EHHADH: variants seen among roughly 807,000 people sequenced by gnomAD.
The protein encoded by EHHADH is enoyl-CoA hydratase and 3-hydroxyacyl CoA dehydrogenase.
A neutral mutation model predicts 64.4 loss-of-function variants in EHHADH; 48 were observed. That is an observed-to-expected ratio of 0.75 (90% CI 0.59 to 0.95). The LOEUF (loss-of-function observed/expected upper bound fraction) is 0.95. Ranked by LOEUF, EHHADH falls within the 40% of genes least tolerant of loss-of-function variation. The pLI is 0.00. For synonymous variants in EHHADH, 308 were observed against 326.7 expected (o/e 0.94, Z 0.62); for missense variants, 854 against 876.6 (o/e 0.97, Z 0.33).
intron 1 of EHHADH, among the ~76,000 whole-genome samples, chr3:185,249,506 A>G (rs375284228): frequency 6.6e-6 from 1 of 152,178 alleles, no homozygotes; most frequent in Middle Eastern, 3.2e-3. Flanking sequence ...GCGGGAGTTG[A>G]TTGGATCATG....
chr3:185,193,293 C>G lies in EHHADH; in HGVS notation c.1105G>C (p.Val369Leu), dbSNP rs757709975. Residue 369 changes from valine (V) to leucine (L), a missense_variant, in exon 7 of 7, where the codon GTG (valine) becomes CTG (leucine). Coordinates refer to ENST00000231887, the MANE Select transcript of EHHADH (RefSeq NM_001966.4). Reference sequence around the variant, plus strand: ...AAATCTACACCACCAAGCTCCTTCACAGATGAAGTTAACCTGGGTTTTGGT... The same window carrying G: ...AAATCTACACCACCAAGCTCCTTCAGAGATGAAGTTAACCTGGGTTTTGGT... The part of the protein sequence containing the change: ...SGPKPRLTSS[V>L]KELGGVDLVI... The G allele has an allele frequency of 3.1e-6, 5 of 1,607,756 alleles. No homozygotes were observed. The East Asian group carries it at 8.9e-5, about 29-fold the overall frequency.
In EHHADH at chr3:185,198,664, C is replaced by T. The variant is rs140131704; in HGVS notation, c.911-5177G>A. ...AGGAGTTTGAGACCAGCCTGGCCAACATGGCAAAACCCCATCTCTACTAAA... is the reference window on the plus strand; with the variant it reads ...AGGAGTTTGAGACCAGCCTGGCCAATATGGCAAAACCCCATCTCTACTAAA... On this transcript the variant is annotated intron_variant, in intron 6 of 6. Coordinates refer to ENST00000231887, the MANE Select transcript of EHHADH (RefSeq NM_001966.4). Among the ~76,000 whole-genome samples, 594 of 152,068 alleles carry T rather than the reference C, an allele frequency of 3.9e-3. 3 individuals are homozygous for T. The highest frequency in any genetic ancestry group is 0.014 in the African/African-American group (570 of 41,520).
chr3:185,251,470 GTT>G (rs1263389972), intron 1 of EHHADH, among the ~76,000 whole-genome samples: 1 of 152,184 alleles, frequency 6.6e-6, no homozygotes, highest in Non-Finnish European at 1.5e-5. Flanking sequence ...GAAAGCCATT[GTT>G]CTGGGAGACA....
chr3:185,236,409 C>T (rs1442981719), intron 2 of EHHADH, among the ~76,000 whole-genome samples: 2 of 146,368 alleles, frequency 1.4e-5, no homozygotes, highest in Non-Finnish European at 3.1e-5. Flanking sequence ...TACCCCTGTC[C>T]ATGGAAAAAC....
At chr3:185,213,492 A>C (rs1718604595) in intron 5 of EHHADH, among the ~76,000 whole-genome samples, 1 of 152,208 alleles carries the variant, frequency 6.6e-6, no homozygotes, top group African/African-American at 2.4e-5. Context: ...ATATATATTT[A>C]ATGTAATTAA....
intron 2 of EHHADH, among the ~76,000 whole-genome samples, chr3:185,238,745 G>C (rs1369122263): frequency 2.0e-5 from 3 of 152,122 alleles, no homozygotes; most frequent in Admixed American, 2.0e-4. Flanking sequence ...CATTCTGTAG[G>C]TTGTCTGTTT....
intron 2 of EHHADH, among the ~76,000 whole-genome samples, chr3:185,247,452 T>C (rs996667471): frequency 2.0e-5 from 3 of 152,078 alleles, no homozygotes; most frequent in Non-Finnish European, 2.9e-5. Flanking sequence ...ATTATATTAA[T>C]CTCTCCCAGG....
chr3:185,242,156 A>G (rs1719472593), intron 2 of EHHADH, among the ~76,000 whole-genome samples: 1 of 152,228 alleles, frequency 6.6e-6, no homozygotes, highest in Admixed American at 6.5e-5. Context: ...CACTGCTGAA[A>G]GAAACCTTAG....
At chr3:185,193,525 G>T (rs745759737) in intron 6 of EHHADH, 38 bp from the exon 7 acceptor site, 1 of 1,602,624 alleles carries the variant, frequency 6.2e-7, no homozygotes, top group Admixed American at 1.7e-5. Context: ...GAATGATTCA[G>T]TGGTATTGGG....
chr3:185,200,805 G>A (rs1718201438), intron 6 of EHHADH, among the ~76,000 whole-genome samples: 1 of 152,162 alleles, frequency 6.6e-6, no homozygotes, highest in African/African-American at 2.4e-5. Flanking sequence ...TGAACTTGCA[G>A]GGTTACTAAT....
intron 2 of EHHADH, among the ~76,000 whole-genome samples, chr3:185,241,555 A>C (rs1402483831): frequency 6.6e-6 from 1 of 152,046 alleles, no homozygotes; most frequent in African/African-American, 2.4e-5. Flanking sequence ...ATCATTAGTG[A>C]TGTTGAGCAT....
At chr3:185,240,864 A>G (rs1719430162) in intron 2 of EHHADH, among the ~76,000 whole-genome samples, 1 of 151,920 alleles carries the variant, frequency 6.6e-6, no homozygotes, top group South Asian at 2.1e-4. Flanking sequence ...TACATAAGTA[A>G]CTTCTTTAGT....
chr3:185,228,864 C>T (rs920842496), intron 4 of EHHADH, among the ~76,000 whole-genome samples: 2 of 151,678 alleles, frequency 1.3e-5, no homozygotes, highest in Non-Finnish European at 2.9e-5. Flanking sequence ...AGTGCAGTGG[C>T]GTAGTCTCAG....
intron 2 of EHHADH, among the ~76,000 whole-genome samples, chr3:185,246,715 T>A (rs1719606175): frequency 6.6e-6 from 1 of 152,200 alleles, no homozygotes; most frequent in African/African-American, 2.4e-5. Flanking sequence ...TTGTTGTTCC[T>A]CTTGATTCAA....
intron 4 of EHHADH, among the ~76,000 whole-genome samples, chr3:185,225,188 G>A (rs892404988): frequency 3.3e-5 from 5 of 152,064 alleles, no homozygotes; most frequent in African/African-American, 9.7e-5. Flanking sequence ...TTGTCTATTT[G>A]ACATCTCCAC....
chr3:185,209,103 T>A (rs893719055), intron 5 of EHHADH, among the ~76,000 whole-genome samples: 3 of 152,186 alleles, frequency 2.0e-5, no homozygotes, highest in Admixed American at 2.0e-4. Context: ...TTTATGGGGA[T>A]GGCTGCACAA....
At chr3:185,213,770 C>T (rs1718611096) in intron 5 of EHHADH, among the ~76,000 whole-genome samples, 1 of 151,550 alleles carries the variant, frequency 6.6e-6, no homozygotes, top group Non-Finnish European at 1.5e-5. Context: ...ATCCCAGCTA[C>T]TCCAGAGGCT....
chr3:185,203,068 GT>G (rs1718276086), intron 6 of EHHADH, among the ~76,000 whole-genome samples: 1 of 109,190 alleles, frequency 9.2e-6, no homozygotes, highest in African/African-American at 2.8e-5. Flanking sequence ...CTTACAAATC[GT>G]AAAGATGGTT....
Position 185,235,272 on chromosome 3 carries a change from T to C in EHHADH, c.351+18A>G. ...AAAGCCCCACACACCAGCCACTATATAGAGCCTTGGTTGTTACCTCTGCGT... is the reference window on the plus strand; with the variant it reads ...AAAGCCCCACACACCAGCCACTATACAGAGCCTTGGTTGTTACCTCTGCGT... On this transcript the variant is annotated intron_variant, in intron 3 of 6. Coordinates refer to ENST00000231887, the MANE Select transcript of EHHADH (RefSeq NM_001966.4). 8 of 1,599,054 alleles carry C rather than the reference T, an allele frequency of 5.0e-6. No individual in the cohort carries two copies. The highest frequency in any genetic ancestry group is 6.0e-6 in the Non-Finnish European group (7 of 1,173,680).
Sources: allele counts gnomAD v4.1 joint callset (sites outside exome capture counted in the v4.1 genomes callset), GRCh38; gene constraint gnomAD v4.1.1; transcripts MANE v1.5; gene names NCBI Gene and HGNC (gene_info 2026-07-23, HGNC 2026-07-21).